The following MGAT4C variants were observed in gnomAD, a reference collection of about 807,000 sequenced individuals.
MGAT4C encodes the protein MGAT4 family member C.
MGAT4C carries 19 observed loss-of-function variants against 40.1 expected under a neutral mutation model. That is an observed-to-expected ratio of 0.47 (90% confidence interval 0.33 to 0.70). The LOEUF is 0.70. Among genes scored for constraint, MGAT4C ranks in the 30% least tolerant of loss-of-function variants. The probability of loss-of-function intolerance (pLI) is 0.02; values close to 1 mark genes in which losing one functional copy is unlikely to be tolerated. For missense variants in MGAT4C, 491 were observed against 563.2 expected (o/e 0.87, Z 1.30); for synonymous variants, 181 against 187.1 (o/e 0.97, Z 0.27).
intron 1 of MGAT4C, among the ~76,000 whole-genome samples, chr12:86,133,269 A>G (rs1340178256): frequency 6.6e-6 from 1 of 152,246 alleles, no homozygotes; most frequent in Non-Finnish European, 1.5e-5. Flanking sequence ...GAAGGTTTAG[A>G]GCGTAGAGAG....
chr12:86,398,319 A>G (rs917481648), intron 3 of MGAT4C, among the ~76,000 whole-genome samples: 1 of 152,130 alleles, frequency 6.6e-6, no homozygotes, highest in Non-Finnish European at 1.5e-5. Context: ...CCATGGTCAC[A>G]CTGCATATAG....
intron 3 of MGAT4C, among the ~76,000 whole-genome samples, chr12:86,341,095 A>G (rs1402717002): frequency 6.6e-6 from 1 of 152,192 alleles, no homozygotes; most frequent in Non-Finnish European, 1.5e-5. Context: ...TGAAACACCC[A>G]TGTACTCACA....
chr12:85,980,117 A>G lies in MGAT4C; in HGVS notation c.609T>C (p.Asn203=), dbSNP rs1432317434. The change falls in exon 5 of 5, where the codon AAT becomes AAC. Residue 203 remains asparagine, a synonymous_variant. Coordinates refer to ENST00000611864, the MANE Select transcript of MGAT4C (RefSeq NM_001351288.2). ...AATTAAGCAGAAAAGCATAATCTAC[A>G]TTTTGCTTGGAACGAAATTTGACTC... ...EDRVKFRSKQ[N]VDYAFLLNFC... is the part of the protein sequence containing the mutation. 1 of 1,613,742 alleles carries G rather than the reference A, an allele frequency of 6.2e-7. No individual in the cohort carries two copies. Among genetic ancestry groups the G allele is most frequent in the Non-Finnish European group, 8.5e-7 (1 of 1,179,874 alleles).
chr12:86,138,477 C>CCCATATATATATTTCCATATATATAT (rs1882302480), intron 1 of MGAT4C, among the ~76,000 whole-genome samples: 2 of 125,058 alleles, frequency 1.6e-5, no homozygotes, highest in Non-Finnish European at 3.3e-5. Flanking sequence ...CCATATATAT[C>CCCATATATATATTTCCATATATATAT]CATATATATA....
chr12:86,603,527 A>G (rs1390939734), intron 2 of MGAT4C, among the ~76,000 whole-genome samples: 1 of 21,514 alleles, frequency 4.6e-5, no homozygotes, highest in African/African-American at 8.3e-5. Context: ...TCTATAGACT[A>G]TATATAGTCT....
chr12:86,619,474 G>A lies in MGAT4C; in HGVS notation c.-229+107735C>T, dbSNP rs117262979. 2.1e-3 allele frequency among the ~76,000 whole-genome samples: 313 copies of A among 151,914 alleles called. 5 individuals carry two copies. Among genetic ancestry groups the A allele is most frequent in the Non-Finnish European group, 3.7e-3 (249 of 67,892 alleles). ...ATTCTGATTCTCTCCCTCTTTTCAT[G>A]GTCTTCACTGTTCACAAATGTACTC... On this transcript the variant is annotated intron_variant, in intron 2 of 7. Coordinates refer to the MGAT4C transcript ENST00000548651.
chr12:86,051,156 C>A (rs946195976), intron 1 of MGAT4C, among the ~76,000 whole-genome samples: 1 of 151,978 alleles, frequency 6.6e-6, no homozygotes. Context: ...ACCAGATGAT[C>A]AGGCAACCAG....
intron 4 of MGAT4C, among the ~76,000 whole-genome samples, chr12:86,323,699 G>T (rs1954452278): frequency 6.6e-6 from 1 of 151,670 alleles, no homozygotes; most frequent in Admixed American, 6.6e-5. Context: ...TCTTATTTTT[G>T]TATATTTACT....
At chr12:86,526,763 T>C (rs1958890706) in intron 2 of MGAT4C, among the ~76,000 whole-genome samples, 1 of 152,188 alleles carries the variant, frequency 6.6e-6, no homozygotes, top group African/African-American at 2.4e-5. Flanking sequence ...ACTACAGATG[T>C]TCACACACCA....
At chr12:86,239,025 C>A (rs947742478) in intron 1 of MGAT4C, among the ~76,000 whole-genome samples, 10 of 151,954 alleles carry the variant, frequency 6.6e-5, no homozygotes, top group Non-Finnish European at 1.0e-4. Context: ...TAAAGGGTGA[C>A]CCTTAAGATC....
At chr12:86,764,035 G>A (rs544574409) in intron 1 of MGAT4C, among the ~76,000 whole-genome samples, 18 of 152,214 alleles carry the variant, frequency 1.2e-4, no homozygotes, top group Middle Eastern at 3.4e-3. Context: ...TGGGTGCACC[G>A]TGCATGAGCC....
intron 2 of MGAT4C, among the ~76,000 whole-genome samples, chr12:86,455,380 C>G (rs1048764414): frequency 6.6e-6 from 1 of 152,050 alleles, no homozygotes; most frequent in Non-Finnish European, 1.5e-5. Flanking sequence ...GAGGTTGACC[C>G]TAGTTCAGTT....
chr12:86,613,266 A>G lies in MGAT4C; in HGVS notation c.-229+113943T>C, dbSNP rs1185928287. Among the ~76,000 whole-genome samples, 6 of 152,322 alleles carry G rather than the reference A, an allele frequency of 3.9e-5. No individual in the cohort carries two copies. In the South Asian group the frequency reaches 1.0e-3, roughly 26 times the overall value. On this transcript the variant is annotated intron_variant, in intron 2 of 7. Transcript: ENST00000548651. ...AATAGCAAAGTGACTTATTAGCTTA[A>G]AATTACTTAATATGAATTTTCTCTA...
At chr12:86,785,456 A>C (rs532466532) in intron 1 of MGAT4C, among the ~76,000 whole-genome samples, 14 of 152,152 alleles carry the variant, frequency 9.2e-5, no homozygotes, top group African/African-American at 3.4e-4. Flanking sequence ...TCCTGTCTTG[A>C]AGGAAAAGTG....
chr12:86,566,751 T>C (rs570241493), intron 2 of MGAT4C, among the ~76,000 whole-genome samples: 193 of 145,956 alleles, frequency 1.3e-3, no homozygotes, highest in African/African-American at 4.6e-3. Flanking sequence ...AATGTATCTG[T>C]GTGTGTGTGT....
chr12:86,009,238 A>C (rs1888211777), intron 2 of MGAT4C, among the ~76,000 whole-genome samples: 1 of 152,200 alleles, frequency 6.6e-6, no homozygotes, highest in African/African-American at 2.4e-5. Flanking sequence ...AATTACTCTC[A>C]GAAATAAGAA....
chr12:86,430,150 G>A (rs904411523), intron 3 of MGAT4C, among the ~76,000 whole-genome samples: 8 of 151,876 alleles, frequency 5.3e-5, no homozygotes, highest in Non-Finnish European at 8.8e-5. Context: ...TTGCAATTTT[G>A]TATATTGTTT....
At chr12:86,408,345 A>G (rs1386817558) in intron 3 of MGAT4C, among the ~76,000 whole-genome samples, 1 of 151,558 alleles carries the variant, frequency 6.6e-6, no homozygotes, top group Non-Finnish European at 1.5e-5. Flanking sequence ...AGAGATTTAT[A>G]TATGTGTTTG....
At chr12:86,260,645 G>A (rs1433288385), upstream of MGAT4C, among the ~76,000 whole-genome samples, 1 of 152,084 alleles carries the variant, frequency 6.6e-6, no homozygotes, top group Non-Finnish European at 1.5e-5. Flanking sequence ...AATTGGATCA[G>A]AGCATAGAGT....
Sources: gnomAD v4.1 joint callset for allele counts (sites outside exome capture counted in the v4.1 genomes callset) on GRCh38, gnomAD v4.1.1 for gene constraint, MANE v1.5 for transcripts, NCBI Gene and HGNC (gene_info 2026-07-23, HGNC 2026-07-21) for gene names.